Variants in ITGA1 observed in about 807,000 individuals in gnomAD.
ITGA1 encodes the protein integrin alpha-1.
Under a neutral mutation model 145.9 loss-of-function variants are expected in ITGA1, and 85 were observed. The ratio of observed to expected loss-of-function variants is 0.58; its 90% CI spans 0.49 to 0.70. The LOEUF (loss-of-function observed/expected upper bound fraction) is 0.70. Ranked by LOEUF, ITGA1 falls within the 30% of genes least tolerant of loss-of-function variation. The pLI, the probability that ITGA1 is intolerant of heterozygous loss-of-function variation, is 0.00. For synonymous variants in ITGA1, 520 were observed against 495.3 expected (o/e 1.05, Z -0.66); for missense variants, 1,351 against 1,418.7 (o/e 0.95, Z 0.77).
chr5:52,878,945 A>G (rs1053652365), intron 6 of ITGA1, among the ~76,000 whole-genome samples: 2 of 140,452 alleles, frequency 1.4e-5, no homozygotes, highest in Non-Finnish European at 3.0e-5. Context: ...TGGACCATGG[A>G]ATCTAGTCTA....
intron 1 of ITGA1, among the ~76,000 whole-genome samples, chr5:52,826,091 G>A (rs1326806504): frequency 6.6e-6 from 1 of 152,128 alleles, no homozygotes; most frequent in Non-Finnish European, 1.5e-5. Flanking sequence ...TAGGCCTCTT[G>A]GTCCAGTTAG....
At chr5:52,825,255 T>C (rs1748941652) in intron 1 of ITGA1, 1 of 152,242 alleles carries the variant, frequency 6.6e-6, no homozygotes, top group South Asian at 2.1e-4. Context: ...TTTTCAAGAT[T>C]CATTCATGTC....
intron 16 of ITGA1, among the ~76,000 whole-genome samples, chr5:52,919,348 C>T (rs2279585): frequency 0.3 from 45,181 of 151,894 alleles, 7,052 homozygotes; most frequent in South Asian, 0.42. Flanking sequence ...CCCACATTTC[C>T]GAGATCCTTT....
intron 1 of ITGA1, chr5:52,800,722 T>C: frequency 6.2e-7 from 1 of 1,614,168 alleles, no homozygotes; most frequent in Non-Finnish European, 8.5e-7. Context: ...CAACCGCCAG[T>C]TCACCCTGGC....
At chr5:52,797,378 G>A (rs1390723730) in intron 1 of ITGA1, among the ~76,000 whole-genome samples, 1 of 151,354 alleles carries the variant, frequency 6.6e-6, no homozygotes, top group Non-Finnish European at 1.5e-5. Context: ...GGTTTCTAAT[G>A]TACAGATAAA....
chr5:52,910,746 T>A (rs548935238), intron 14 of ITGA1, among the ~76,000 whole-genome samples: 71 of 146,306 alleles, frequency 4.9e-4, no homozygotes, highest in Non-Finnish European at 9.4e-4. Flanking sequence ...GTATGTATAG[T>A]GTTCCTTATA....
chr5:52,884,220 G>C (rs1485169145), intron 7 of ITGA1, among the ~76,000 whole-genome samples: 1 of 152,088 alleles, frequency 6.6e-6, no homozygotes, highest in African/African-American at 2.4e-5. Flanking sequence ...GAGGCGGCTG[G>C]ATCACCTGAG....
Position 52,937,255 on chromosome 5 carries a change from T to C in ITGA1, c.2965-146T>C, listed in dbSNP as rs921309804. ...CTGGCTGAATTATGCCAATTCTCTGTACAGCACCATAAAGGATCTACATTT... is the reference window on the plus strand; with the variant it reads ...CTGGCTGAATTATGCCAATTCTCTGCACAGCACCATAAAGGATCTACATTT... On this transcript the variant is annotated intron_variant, in intron 23 of 28. Coordinates refer to ENST00000282588, the MANE Select transcript of ITGA1 (RefSeq NM_181501.2). 4.7e-6 allele frequency: 3 copies of C among 634,220 alleles called. No individual in the cohort carries two copies. In the African/African-American group the frequency reaches 5.5e-5, roughly 12 times the overall value. 39.3% of individuals were successfully genotyped at this position (634,220 alleles called of 1,614,324 possible).
At chr5:52,805,398 G>A (rs1748570274) in intron 1 of ITGA1, among the ~76,000 whole-genome samples, 1 of 151,772 alleles carries the variant, frequency 6.6e-6, no homozygotes, top group South Asian at 2.1e-4. Flanking sequence ...AGATATGAGA[G>A]AAAAATGATA....
At chr5:52,796,995 G>A (rs976547015) in intron 1 of ITGA1, among the ~76,000 whole-genome samples, 6 of 152,114 alleles carry the variant, frequency 3.9e-5, no homozygotes, top group African/African-American at 1.4e-4. Flanking sequence ...AGGGTGCCCT[G>A]AGGGGAAAAG....
At chr5:52,788,785 C>T (rs1748180792) in intron 1 of ITGA1, among the ~76,000 whole-genome samples, 1 of 152,050 alleles carries the variant, frequency 6.6e-6, no homozygotes, top group Non-Finnish European at 1.5e-5. Context: ...GAGGGTGATG[C>T]TTATAGGGCG....
intron 6 of ITGA1, among the ~76,000 whole-genome samples, chr5:52,871,043 G>C (rs779323775): frequency 6.6e-6 from 1 of 152,188 alleles, no homozygotes; most frequent in Non-Finnish European, 1.5e-5. Context: ...AGCACTCTAA[G>C]TGAAAACAAG....
Position 52,933,984 on chromosome 5 carries a change from T to C in ITGA1, c.2952T>C (p.Asn984=). The C allele has an allele frequency of 7.0e-7, 1 of 1,418,778 alleles. No homozygotes were observed. Among genetic ancestry groups the C allele is most frequent in the East Asian group, 2.5e-5 (1 of 40,388 alleles). 87.9% of individuals were successfully genotyped at this position (1,418,778 alleles called of 1,614,324 possible). The part of the protein sequence containing the change: ...NSTEDIGNEI[N]IFYLIRKSGS... ...CTGAGGACATTGGAAATGAAATTAATATCTTCTACTTGGTAAGAAATTACC... is the reference window on the plus strand; with the variant it reads ...CTGAGGACATTGGAAATGAAATTAACATCTTCTACTTGGTAAGAAATTACC... The change falls in exon 23 of 29, where the codon AAT becomes AAC. Residue 984 remains asparagine (N), a synonymous_variant. Transcript: ENST00000282588.
intron 11 of ITGA1, among the ~76,000 whole-genome samples, chr5:52,900,836 G>A (rs1021616993): frequency 6.6e-6 from 1 of 152,134 alleles, no homozygotes; most frequent in Non-Finnish European, 1.5e-5. Flanking sequence ...ACTATATTTA[G>A]TACTGTGCCT....
rs780126431 is a variant in ITGA1, at chr5:52,881,958, C to T, written c.710C>T (p.Ala237Val). The T allele has an allele frequency of 2.5e-6, 4 of 1,613,688 alleles. No individual in the cohort carries two copies. The Admixed American group carries it at 6.7e-5, about 27-fold the overall frequency. The change falls in exon 7 of 29, where the codon GCA (alanine) becomes GTA (valine). Residue 237 changes from alanine (A) to valine (V), a missense_variant. Ala to Val is a moderately conservative substitution (Grantham distance 64, BLOSUM62 0). Coordinates refer to ENST00000282588, the MANE Select transcript of ITGA1 (RefSeq NM_181501.2). Reference protein sequence around the residue: ...YSSTEEVLVAAKKIVQRGGRQ... With the variant: ...YSSTEEVLVAVKKIVQRGGRQ... ...TCCACCGAAGAGGTACTTGTTGCAGCAAAGAAAATAGTCCAGAGAGGTGGC... is the reference window on the plus strand; with the variant it reads ...TCCACCGAAGAGGTACTTGTTGCAGTAAAGAAAATAGTCCAGAGAGGTGGC...
intron 19 of ITGA1, among the ~76,000 whole-genome samples, chr5:52,925,815 C>T (rs746678286): frequency 2.0e-5 from 3 of 152,076 alleles, no homozygotes; most frequent in Non-Finnish European, 2.9e-5. Context: ...AGTTAACAGA[C>T]GTACAGAGAG....
At chr5:52,816,831 A>G (rs1748783655) in intron 1 of ITGA1, among the ~76,000 whole-genome samples, 1 of 152,100 alleles carries the variant, frequency 6.6e-6, no homozygotes, top group Non-Finnish European at 1.5e-5. Flanking sequence ...AGGCCTTTTC[A>G]CTTTTATTCA....
intron 6 of ITGA1, among the ~76,000 whole-genome samples, chr5:52,876,885 A>G (rs1286957206): frequency 6.6e-6 from 1 of 152,214 alleles, no homozygotes; most frequent in Non-Finnish European, 1.5e-5. Context: ...AAAGTTTTGC[A>G]GAGAGAGTGG....
At chr5:52,808,521 A>C (rs1271647960) in intron 1 of ITGA1, among the ~76,000 whole-genome samples, 1 of 152,142 alleles carries the variant, frequency 6.6e-6, no homozygotes, top group Non-Finnish European at 1.5e-5. Context: ...TTTTTGTTTG[A>C]CACCATTGTG....
Sources: allele counts gnomAD v4.1 joint callset (sites outside exome capture counted in the v4.1 genomes callset), GRCh38; gene constraint gnomAD v4.1.1; transcripts MANE v1.5; gene names NCBI Gene and HGNC (gene_info 2026-07-23, HGNC 2026-07-21).